The following PACRGL variants were observed in gnomAD, a reference collection of about 807,000 sequenced individuals.
PACRGL encodes PACRG-like protein.
A neutral mutation model predicts 34.5 loss-of-function variants in PACRGL; 38 were observed. The ratio of observed to expected loss-of-function variants is 1.10; its 90% CI spans 0.85 to 1.44. The LOEUF is 1.44. PACRGL is among the 40% of genes most tolerant of loss of function. PACRGL has a pLI of 0.00. For synonymous variants in PACRGL, 128 were observed against 100.1 expected, an observed-to-expected ratio of 1.28 and a Z score of -1.66; for missense variants, 305 against 281.4, an observed-to-expected ratio of 1.08 and a Z score of -0.60.
chr4:20,759,361 A>G, the PACRGL span, among the ~76,000 whole-genome samples: 1 of 152,184 alleles, frequency 6.6e-6, no homozygotes, highest in East Asian at 1.9e-4. Flanking sequence ...AGTAATAGAT[A>G]CTAATGCTTG....
intron 3 of PACRGL, among the ~76,000 whole-genome samples, 188 bp downstream of exon 3, chr4:20,705,002 A>G (rs1733892214): frequency 6.6e-6 from 1 of 152,200 alleles, no homozygotes; most frequent in Admixed American, 6.5e-5. Flanking sequence ...GTATGGAGGT[A>G]AGGAGACATA....
intron 3 of PACRGL, among the ~76,000 whole-genome samples, chr4:20,705,957 ATTT>A (rs895023725): frequency 1.0e-4 from 15 of 149,774 alleles, no homozygotes; most frequent in Non-Finnish European, 1.8e-4. Flanking sequence ...AGGTGTGTTC[ATTT>A]TTTGTGAATT....
chr4:20,697,431 A>G (rs1306566216), upstream of PACRGL, among the ~76,000 whole-genome samples: 1 of 152,232 alleles, frequency 6.6e-6, no homozygotes, highest in Non-Finnish European at 1.5e-5. Flanking sequence ...GAGAAAAAAA[A>G]TCGTCCTGAG....
intron 7 of PACRGL, among the ~76,000 whole-genome samples, chr4:20,723,949 C>T (rs906487128): frequency 5.3e-5 from 8 of 152,182 alleles, no homozygotes; most frequent in African/African-American, 1.9e-4. Context: ...CCCTCACCCC[C>T]ATCTTCCATA....
downstream of PACRGL, among the ~76,000 whole-genome samples, chr4:20,736,625 T>A (rs1749698161): frequency 3.3e-5 from 5 of 152,300 alleles, no homozygotes; most frequent in South Asian, 1.0e-3. Flanking sequence ...CAGTGTTACA[T>A]AATGAAAATG....
chr4:20,749,860 AC>A, intron 8 of PACRGL: 1 of 567,060 alleles, frequency 1.8e-6, no homozygotes, highest in South Asian at 2.7e-5. Context: ...TGCTTTCTTC[AC>A]AACTGCTTAC....
At chr4:20,754,730 G>C (rs907858525), downstream of PACRGL, among the ~76,000 whole-genome samples, 4 of 152,092 alleles carry the variant, frequency 2.6e-5, no homozygotes, top group Non-Finnish European at 5.9e-5. Context: ...TTTGTGATAG[G>C]AATCCTTTGC....
intron 7 of PACRGL, among the ~76,000 whole-genome samples, chr4:20,721,761 A>C (rs146151985): frequency 0.01 from 1,562 of 152,106 alleles, 29 homozygotes; most frequent in African/African-American, 0.036. Context: ...CAGTTAGGCT[A>C]CTCACGGGTC....
intron 6 of PACRGL, 64 bp downstream of exon 6, chr4:20,712,986 A>G: frequency 1.4e-6 from 2 of 1,388,952 alleles, no homozygotes; most frequent in Non-Finnish European, 9.5e-7. Flanking sequence ...GCTGTAATAT[A>G]TTTAGAATAT....
chr4:20,712,955 G>C, intron 6 of PACRGL, 33 bp downstream of exon 6: 1 of 1,463,740 alleles, frequency 6.8e-7, no homozygotes, highest in Non-Finnish European at 9.1e-7. Context: ...CTTTATATTT[G>C]AAAACATGAT....
rs1744963516 is a variant in PACRGL at position 20,724,889 on chromosome 4, G to A, written c.690+1G>A. 1.4e-6 allele frequency: 2 copies of A among 1,455,580 alleles called. No individual in the cohort carries two copies. Among genetic ancestry groups the A allele is most frequent in the Non-Finnish European group, 1.8e-6 (2 of 1,108,514 alleles). 90.2% of individuals were successfully genotyped at this position (1,455,580 alleles called of 1,614,324 possible). ...AAAGCTAGAGCAACATGGTGGAAGT[G>A]TAAGTAGAATATTATTCCTTAAGTC... On this transcript the variant is annotated splice_donor_variant, in intron 8 of 8. Coordinates refer to ENST00000503585, the MANE Select transcript of PACRGL (RefSeq NM_001258345.3). LOFTEE classifies it high-confidence loss of function.
upstream of PACRGL, among the ~76,000 whole-genome samples, chr4:20,700,245 T>C (rs1731584892): frequency 6.6e-6 from 1 of 152,178 alleles, no homozygotes; most frequent in Non-Finnish European, 1.5e-5. Flanking sequence ...GGACCTCTTA[T>C]TCGAAAAACA....
chr4:20,704,705 G>A lies in PACRGL; in HGVS notation c.98G>A (p.Arg33Lys), dbSNP rs1733754296. The change falls in exon 3 of 9, where the codon AGG becomes AAG. Residue 33 changes from arginine to lysine, a missense_variant. Arg to Lys is a conservative substitution (Grantham distance 26). Transcript: ENST00000503585. ...TCATCAAGCACACAGTTAAAACACA[G>A]GAATGCAGTTCAGGGAAGCAAATCC... ...RTSSSTQLKH[R>K]NAVQGSKSSL... The A allele has an allele frequency of 6.2e-7, 1 of 1,614,072 alleles. No homozygotes were observed. Among genetic ancestry groups the A allele is most frequent in the Non-Finnish European group, 8.5e-7 (1 of 1,179,966 alleles).
downstream of PACRGL, chr4:20,734,563 A>T: frequency 1.3e-6 from 1 of 777,922 alleles, no homozygotes; most frequent in Non-Finnish European, 2.0e-6. Flanking sequence ...AATTGCAATT[A>T]ATATTTTAAA....
chr4:20,701,996 G>T (rs1337279729), intron 1 of PACRGL: 14 of 447,872 alleles, frequency 3.1e-5, no homozygotes. Context: ...GTTTAATGCT[G>T]AAAATTATAT....
intron 8 of PACRGL, among the ~76,000 whole-genome samples, chr4:20,737,683 G>C (rs557593334): frequency 6.6e-6 from 1 of 152,186 alleles, no homozygotes; most frequent in African/African-American, 2.4e-5. Flanking sequence ...AGAGGCAGAA[G>C]CTCTGATACT....
At chr4:20,701,549 A>G (rs984847021) in intron 1 of PACRGL, 4 of 222,204 alleles carry the variant, frequency 1.8e-5, no homozygotes, top group Non-Finnish European at 2.8e-5. Context: ...GCCCCTTTAC[A>G]CCATCCTCTA....
chr4:20,721,691 G>A (rs572664090), intron 7 of PACRGL, among the ~76,000 whole-genome samples: 10 of 152,210 alleles, frequency 6.6e-5, no homozygotes, highest in South Asian at 2.1e-4. Flanking sequence ...TGGAAGTTTC[G>A]TCTCAGAGGG....
chr4:20,727,384 G>A lies in PACRGL; in HGVS notation c.*43G>A. On this transcript the variant is annotated 3_prime_UTR_variant, in exon 9 of 9. Transcript: ENST00000503585. The stretch of plus-strand genomic sequence containing the variant: ...AATTGTTTTTTCTACCTGTTGACGT[G>A]TCAAGCACTAACTGTGGGTACTCAT... The A allele has an allele frequency of 6.8e-7, 1 of 1,471,282 alleles. No individual in the cohort carries two copies. Among genetic ancestry groups the A allele is most frequent in the South Asian group, 1.1e-5 (1 of 87,842 alleles). 91.1% of individuals were successfully genotyped at this position (1,471,282 alleles called of 1,614,324 possible). A position where few individuals can be genotyped will look rare whatever the true frequency, so the allele number is the denominator to read the frequency against.
Sources: gnomAD v4.1 joint callset for allele counts (sites outside exome capture counted in the v4.1 genomes callset) on GRCh38, gnomAD v4.1.1 for gene constraint, MANE v1.5 for transcripts, NCBI Gene and HGNC (gene_info 2026-07-23, HGNC 2026-07-21) for gene names.